NSL1: variants seen among roughly 807,000 people sequenced by gnomAD.
NSL1 encodes the protein NSL1 component of MIS12 kinetochore complex.
A neutral mutation model predicts 25.4 loss-of-function variants in NSL1; 11 were observed. That is an observed-to-expected ratio of 0.43 (90% CI 0.27 to 0.72). The LOEUF is 0.72. NSL1 is among the 30% of genes least tolerant of loss of function. The pLI is 0.19. For missense variants in NSL1, 330 were observed against 342.7 expected, an observed-to-expected ratio of 0.96 and a Z score of 0.29; for synonymous variants, 118 against 120.6, an observed-to-expected ratio of 0.98 and a Z score of 0.14.
chr1:212,745,199 T>TGC (rs1178728820), intron 4 of NSL1, among the ~76,000 whole-genome samples: 22 of 78,018 alleles, frequency 2.8e-4, no homozygotes, highest in Non-Finnish European at 4.2e-4. Flanking sequence ...TATATATATA[T>TGC]ATATGCATAT....
At chr1:212,771,106 G>A (rs1175331957) in intron 4 of NSL1, among the ~76,000 whole-genome samples, 1 of 152,194 alleles carries the variant, frequency 6.6e-6, no homozygotes, top group Non-Finnish European at 1.5e-5. Context: ...CTGAGATTGG[G>A]AGTACGAGAC....
rs1657981029 is a variant in NSL1, at chr1:212,730,749, T to C, written c.*7659A>G. ...GAATTAGACTTAGTTCTAGTAGACG[T>C]AGTTCTAGTAGACAGGAGACTCTGG... On this transcript the variant is annotated 3_prime_UTR_variant, in exon 6 of 6. Transcript: ENST00000366977. 3 of 985,294 alleles carry C rather than the reference T, an allele frequency of 3.0e-6. No individual in the cohort carries two copies. Among genetic ancestry groups the C allele is most frequent in the Admixed American group, 1.2e-4 (2 of 16,266 alleles). The allele number at this position is 985,294 out of a possible 1,614,324, so 61.0% of individuals were successfully genotyped here.
Position 212,738,437 on chromosome 1 carries a change from G to A in NSL1, c.817C>T (p.Arg273Trp), listed in dbSNP as rs147647532. Reference sequence around the variant, plus strand: ...GTATCAAGATTAATTTTCTTTGGCCGCAATGGATACCATTTTCTCTGGGGG... The same window carrying A: ...GTATCAAGATTAATTTTCTTTGGCCACAATGGATACCATTTTCTCTGGGGG... ...DCPQRKWYPL[R>W]PKKINLDT is the part of the protein sequence containing the mutation. Residue 273 changes from arginine (R) to tryptophan (W), a missense_variant, in exon 6 of 6, where the codon CGG (arginine) becomes TGG (tryptophan). Coordinates refer to ENST00000366977, the MANE Select transcript of NSL1 (RefSeq NM_015471.4). The A allele has an allele frequency of 1.9e-4, 301 of 1,612,670 alleles. No individual in the cohort carries two copies. The highest frequency in any genetic ancestry group is 1.7e-4 in the Middle Eastern group (1 of 6,056).
intron 4 of NSL1, among the ~76,000 whole-genome samples, chr1:212,779,869 G>A (rs564497884): frequency 0.061 from 8,371 of 138,306 alleles, 541 homozygotes; most frequent in Middle Eastern, 0.12. Context: ...CGCCCCGTCC[G>A]GGAGGGAGGT....
chr1:212,772,756 A>G (rs528682793), intron 4 of NSL1, among the ~76,000 whole-genome samples: 1 of 152,318 alleles, frequency 6.6e-6, no homozygotes, highest in African/African-American at 2.4e-5. Context: ...GCAATACTGA[A>G]CCAAAATAAT....
intron 4 of NSL1, among the ~76,000 whole-genome samples, chr1:212,754,103 T>C (rs1330446376): frequency 6.6e-6 from 1 of 152,156 alleles, no homozygotes; most frequent in Non-Finnish European, 1.5e-5. Flanking sequence ...GTTTAGGATT[T>C]TAAGCAGAGG....
chr1:212,748,922 ACT>A (rs943432110), intron 4 of NSL1, among the ~76,000 whole-genome samples: 2 of 152,172 alleles, frequency 1.3e-5, no homozygotes, highest in African/African-American at 2.4e-5. Context: ...CAATAAACGC[ACT>A]GTTTTCTTTA....
Position 212,727,715 on chromosome 1 carries a change from A to G in NSL1, c.*10693T>C, listed in dbSNP as rs558186553. ...GATGAAAGAATGACTAGCTATGATG[A>G]TTTATATTTCCCAAGAAATTAACAG... On this transcript the variant is annotated 3_prime_UTR_variant, in exon 6 of 6. Transcript: ENST00000366977. 1.0e-6 allele frequency: 1 copy of G among 984,944 alleles called. No individual in the cohort carries two copies. The highest frequency in any genetic ancestry group is 4.7e-5 in the South Asian group (1 of 21,284). The allele number at this position is 984,944 out of a possible 1,614,324, so 61.0% of individuals were successfully genotyped here.
chr1:212,776,095 G>A (rs898563482), intron 4 of NSL1, among the ~76,000 whole-genome samples: 4 of 152,188 alleles, frequency 2.6e-5, no homozygotes, highest in African/African-American at 9.7e-5. Flanking sequence ...GATTACAGGC[G>A]TGAGCCACTG....
rs543861980 is a variant in NSL1, at chr1:212,789,271, GC to G, written c.235-1635del. ...TTGTCAACCAGGCTGGAGTGCAATG[GC>G]GCAATCTTGGCTCACTGCAACCTCC... On this transcript the variant is annotated intron_variant, in intron 1 of 5. Transcript: ENST00000366977. 7.0e-4 allele frequency among the ~76,000 whole-genome samples: 107 copies of G among 152,194 alleles called. No homozygotes were observed. In the Middle Eastern group the frequency reaches 0.01, roughly 15 times the overall value.
intron 4 of NSL1, chr1:212,764,067 C>T: frequency 4.7e-6 from 2 of 426,592 alleles, no homozygotes; most frequent in South Asian, 3.4e-5. Context: ...AAATCAAAAT[C>T]CTATCAAGTA....
At chr1:212,778,861 T>C (rs1233487706) in intron 4 of NSL1, among the ~76,000 whole-genome samples, 1 of 148,146 alleles carries the variant, frequency 6.8e-6, no homozygotes, top group Admixed American at 6.7e-5. Flanking sequence ...TGGCCGCCTA[T>C]CGTCTGGGAT....
chr1:212,736,197 C>T lies in NSL1; in HGVS notation c.*2211G>A, dbSNP rs1658226209. 1.6e-6 allele frequency: 1 copy of T among 608,530 alleles called. No homozygotes were observed. Among genetic ancestry groups the T allele is most frequent in the Non-Finnish European group, 2.1e-6 (1 of 485,490 alleles). The allele number at this position is 608,530 out of a possible 1,614,324, so 37.7% of individuals were successfully genotyped here. On this transcript the variant is annotated 3_prime_UTR_variant, in exon 6 of 6. Coordinates refer to ENST00000366977, the MANE Select transcript of NSL1 (RefSeq NM_015471.4). The stretch of plus-strand genomic sequence containing the variant: ...GGACTACAGGTGTGTGCCATCACAC[C>T]CTGCTAATTTTTGTATTTTTTGTAG...
intron 1 of NSL1, among the ~76,000 whole-genome samples, chr1:212,789,899 G>A (rs531467617): frequency 6.6e-4 from 101 of 152,214 alleles, no homozygotes; most frequent in Non-Finnish European, 1.1e-3. Flanking sequence ...TACTAAAAAC[G>A]TCCTGAGATA....
Position 212,734,656 on chromosome 1 carries a change from T to C in NSL1, c.*3752A>G, listed in dbSNP as rs911042624. 3.3e-5 allele frequency among the ~76,000 whole-genome samples: 5 copies of C among 152,234 alleles called. No individual in the cohort carries two copies. Among genetic ancestry groups the C allele is most frequent in the African/African-American group, 1.2e-4 (5 of 41,458 alleles). On this transcript the variant is annotated 3_prime_UTR_variant, in exon 6 of 6. Coordinates refer to ENST00000366977, the MANE Select transcript of NSL1 (RefSeq NM_015471.4). ...GCCTGGCTTTGCTTCTTTTATTCAA[T>C]ATAGTATCTTTGATATTGATCCACA...
In NSL1 at chr1:212,782,353, C is replaced by T. The variant is rs1660765167; in HGVS notation, c.499+19G>A. On this transcript the variant is annotated intron_variant, in intron 4 of 5. Transcript: ENST00000366977. ...ATAAGCAGATGCTTCATTTTTACCACAAATGGATACTGACTCACCTGGATC... is the reference window on the plus strand; with the variant it reads ...ATAAGCAGATGCTTCATTTTTACCATAAATGGATACTGACTCACCTGGATC... The T allele has an allele frequency of 1.3e-6, 2 of 1,583,586 alleles. No individual in the cohort carries two copies. The highest frequency in any genetic ancestry group is 1.7e-6 in the Non-Finnish European group (2 of 1,152,598).
intron 4 of NSL1, among the ~76,000 whole-genome samples, chr1:212,751,442 C>A (rs1289806602): frequency 6.6e-6 from 1 of 152,206 alleles, no homozygotes; most frequent in Non-Finnish European, 1.5e-5. Flanking sequence ...ACACACTCTT[C>A]TACATTCTAT....
chr1:212,787,713 A>G, intron 1 of NSL1, 76 bp from the exon 2 acceptor site: 1 of 908,894 alleles, frequency 1.1e-6, no homozygotes, highest in Non-Finnish European at 1.7e-6. Context: ...GCAAAATAAT[A>G]CTTCCAGATT....
At chr1:212,756,266 T>G (rs1659302580) in intron 4 of NSL1, among the ~76,000 whole-genome samples, 1 of 152,050 alleles carries the variant, frequency 6.6e-6, no homozygotes. Flanking sequence ...ACTACAGGCA[T>G]GCACCACCAT....
Sources: allele counts gnomAD v4.1 joint callset (sites outside exome capture counted in the v4.1 genomes callset), GRCh38; gene constraint gnomAD v4.1.1; transcripts MANE v1.5; gene names NCBI Gene and HGNC (gene_info 2026-07-23, HGNC 2026-07-21).